Variants in SLC15A1 observed in about 807,000 individuals in gnomAD.
SLC15A1 encodes solute carrier family 15 member 1.
A neutral mutation model predicts 92.9 loss-of-function variants in SLC15A1; 83 were observed. The observed-to-expected ratio is 0.89, with a 90% CI of 0.75 to 1.07. SLC15A1 has a LOEUF of 1.07. SLC15A1 is among the 50% of genes least tolerant of loss of function. The pLI is 0.00. For synonymous variants in SLC15A1, 322 were observed against 318.2 expected, an observed-to-expected ratio of 1.01 and a Z score of -0.13; for missense variants, 857 against 880.1, an observed-to-expected ratio of 0.97 and a Z score of 0.33.
At chr13:98,697,323 C>T (rs143544956) in intron 18 of SLC15A1, among the ~76,000 whole-genome samples, 11 of 152,206 alleles carry the variant, frequency 7.2e-5, no homozygotes, top group East Asian at 3.9e-4. Context: ...CAAAGTGCTG[C>T]GATTACAGGT....
At chr13:98,720,299 G>C (rs999890743) in intron 7 of SLC15A1, among the ~76,000 whole-genome samples, 2 of 152,142 alleles carry the variant, frequency 1.3e-5, no homozygotes, top group African/African-American at 4.8e-5. Context: ...ATTTGTAAGA[G>C]AGTCATGAAC....
intron 14 of SLC15A1, 53 bp downstream of exon 14, chr13:98,709,519 C>A: frequency 6.7e-7 from 1 of 1,502,164 alleles, no homozygotes; most frequent in Non-Finnish European, 9.3e-7. Flanking sequence ...AGCCCATCTG[C>A]AAAGCCCTGG....
At chr13:98,697,185 A>G (rs145235652) in intron 18 of SLC15A1, among the ~76,000 whole-genome samples, 103 of 152,134 alleles carry the variant, frequency 6.8e-4, no homozygotes, top group African/African-American at 2.4e-3. Context: ...TCTCCCCAGT[A>G]GCTGGGATTA....
chr13:98,703,478 T>C (rs190745985), intron 17 of SLC15A1, among the ~76,000 whole-genome samples: 16 of 149,282 alleles, frequency 1.1e-4, no homozygotes, highest in Non-Finnish European at 2.4e-4. Context: ...CTTTACAGAA[T>C]GCCCACAACT....
intron 18 of SLC15A1, among the ~76,000 whole-genome samples, chr13:98,697,615 C>CTT (rs11347963): frequency 0.029 from 3,668 of 124,842 alleles, 68 homozygotes; most frequent in South Asian, 0.056. Context: ...CTGGCTGATG[C>CTT]TTTTTTTTTT....
At chr13:98,695,037 A>AG (rs2088010908) in intron 18 of SLC15A1, among the ~76,000 whole-genome samples, 1 of 151,814 alleles carries the variant, frequency 6.6e-6, no homozygotes, top group African/African-American at 2.4e-5. Context: ...AAAAAAAAAA[A>AG]AAAAGAGATG....
chr13:98,726,563 G>T, intron 2 of SLC15A1, 114 bp from the exon 3 acceptor site: 1 of 928,318 alleles, frequency 1.1e-6, no homozygotes, highest in Non-Finnish European at 1.7e-6. Context: ...ACTTACCGGT[G>T]ACTGTCTAGA....
intron 1 of SLC15A1, among the ~76,000 whole-genome samples, chr13:98,731,552 C>T (rs1202349546): frequency 6.6e-6 from 1 of 151,936 alleles, no homozygotes; most frequent in Non-Finnish European, 1.5e-5. Context: ...GAAGCAGGAG[C>T]GAGCTCTGAA....
At chr13:98,717,339 T>C (rs4646222) in intron 8 of SLC15A1, among the ~76,000 whole-genome samples, 10,496 of 152,292 alleles carry the variant, frequency 0.069, 551 homozygotes, top group East Asian at 0.2. Context: ...GTCTATGTTT[T>C]CTTTTACCAC....
rs191939748 is a variant in SLC15A1, at chr13:98,686,503, C to T, written c.1828-206G>A. ...AGTAGACAAGAATTCCTGTGTTTCA[C>T]GCTCCACATCCTTGCAAAGCTGTCC... On this transcript the variant is annotated intron_variant, in intron 21 of 22. Transcript: ENST00000376503. Among the ~76,000 whole-genome samples the T allele has an allele frequency of 3.3e-5, 5 of 152,336 alleles. No homozygotes were observed. The East Asian group carries it at 7.7e-4, about 23-fold the overall frequency.
intron 18 of SLC15A1, among the ~76,000 whole-genome samples, chr13:98,698,628 G>A (rs868291123): frequency 5.9e-5 from 9 of 151,962 alleles, no homozygotes; most frequent in South Asian, 2.1e-4. Flanking sequence ...GTAGAGACAG[G>A]GTTTCACCAT....
At position 98,704,561 on chromosome 13, in the gene SLC15A1, T is replaced by C. The variant is rs1175942858; in HGVS notation, c.1270-126A>G. The C allele has an allele frequency of 6.0e-6, 6 of 995,004 alleles. No homozygotes were observed. In the East Asian group the frequency reaches 1.6e-4, roughly 27 times the overall value. 61.6% of individuals were successfully genotyped at this position (995,004 alleles called of 1,614,324 possible). On this transcript the variant is annotated intron_variant, in intron 16 of 22. Transcript: ENST00000376503. Reference sequence around the variant, plus strand: ...TTCATGTTCATAGATACCAAAAAAATGCCTGTGGGGAGTTGGCCTTTATTT... The same window carrying C: ...TTCATGTTCATAGATACCAAAAAAACGCCTGTGGGGAGTTGGCCTTTATTT...
At chr13:98,746,580 C>T (rs2088494770) in intron 1 of SLC15A1, among the ~76,000 whole-genome samples, 1 of 152,182 alleles carries the variant, frequency 6.6e-6, no homozygotes, top group Non-Finnish European at 1.5e-5. Context: ...TAAACATCTG[C>T]CATGTCCTAA....
At chr13:98,685,297 G>A (rs1394348981) in intron 22 of SLC15A1, among the ~76,000 whole-genome samples, 9 of 152,202 alleles carry the variant, frequency 5.9e-5, no homozygotes, top group Non-Finnish European at 1.3e-4. Context: ...AGCAAGTTAA[G>A]AGCCCCACGT....
chr13:98,740,601 A>C (rs2088436261), intron 1 of SLC15A1, among the ~76,000 whole-genome samples: 1 of 151,900 alleles, frequency 6.6e-6, no homozygotes, highest in Non-Finnish European at 1.5e-5. Context: ...GGCTCTTTAG[A>C]CCCTTTACAG....
Position 98,704,507 on chromosome 13 carries a change from G to A in SLC15A1, c.1270-72C>T, listed in dbSNP as rs903158786. 4.3e-6 allele frequency: 6 copies of A among 1,391,096 alleles called. No individual in the cohort carries two copies. The African/African-American group carries it at 4.4e-5, about 10-fold the overall frequency. 86.2% of individuals were successfully genotyped at this position (1,391,096 alleles called of 1,614,324 possible). A position where few individuals can be genotyped will look rare whatever the true frequency, so the allele number is the denominator to read the frequency against. ...CACTATGCAACTGAACGCTGGAAGA[G>A]CAGTTATCTGATATTCTGCATTTCC... On this transcript the variant is annotated intron_variant, in intron 16 of 22. Coordinates refer to ENST00000376503, the MANE Select transcript of SLC15A1 (RefSeq NM_005073.4).
At chr13:98,744,557 T>C (rs1341852100) in intron 1 of SLC15A1, among the ~76,000 whole-genome samples, 3 of 151,560 alleles carry the variant, frequency 2.0e-5, no homozygotes, top group Non-Finnish European at 4.4e-5. Flanking sequence ...AAGATCAGCC[T>C]GGCCAAGGTA....
intron 17 of SLC15A1, among the ~76,000 whole-genome samples, chr13:98,703,344 G>A (rs1364577813): frequency 2.0e-5 from 3 of 151,940 alleles, no homozygotes; most frequent in South Asian, 2.1e-4. Context: ...ATTGGTTGCC[G>A]GTGCTTCCAC....
intron 18 of SLC15A1, among the ~76,000 whole-genome samples, chr13:98,691,510 A>C (rs2087976448): frequency 1.3e-5 from 2 of 152,216 alleles, no homozygotes; most frequent in African/African-American, 2.4e-5. Flanking sequence ...GTGACACCTC[A>C]CATGTCACAT....
Sources: allele counts gnomAD v4.1 joint callset (sites outside exome capture counted in the v4.1 genomes callset), GRCh38; gene constraint gnomAD v4.1.1; transcripts MANE v1.5; gene names NCBI Gene and HGNC (gene_info 2026-07-23, HGNC 2026-07-21).